SLC16A5: variants seen among roughly 807,000 people sequenced by gnomAD.
SLC16A5 encodes the protein solute carrier family 16 member 5.
SLC16A5 carries 29 observed loss-of-function variants against 33.2 expected under a neutral mutation model. The ratio of observed to expected loss-of-function variants is 0.87; its 90% CI spans 0.65 to 1.19. SLC16A5 has a LOEUF of 1.19. SLC16A5 is among the 50% of genes most tolerant of loss of function. SLC16A5 has a pLI of 0.00. For missense variants in SLC16A5, 606 were observed against 678.2 expected (o/e 0.89, Z 1.18); for synonymous variants, 248 against 284.1 (o/e 0.87, Z 1.28).
intron 5 of SLC16A5, 44 bp downstream of exon 5, chr17:75,100,860 G>A (rs779720822): frequency 1.3e-6 from 2 of 1,498,440 alleles, no homozygotes; most frequent in African/African-American, 1.4e-5. Context: ...GTGGTAAAAG[G>A]GGAACAGTTT....
chr17:75,106,590 TTTAAAAAAAAAA>T (rs2073866059), downstream of SLC16A5, among the ~76,000 whole-genome samples: 1 of 107,578 alleles, frequency 9.3e-6, no homozygotes. Flanking sequence ...CTGTCTTTTT[TTTAAAAAAAAAA>T]AAAAAAAAAA....
chr17:75,092,850 T>TGTGTGTGTGA (rs1555645061), intron 2 of SLC16A5, among the ~76,000 whole-genome samples: 62 of 150,590 alleles, frequency 4.1e-4, no homozygotes, highest in Admixed American at 2.1e-3. Flanking sequence ...TGTGTGTGTG[T>TGTGTGTGTGA]GTGTGTGTGT....
chr17:75,106,071 T>C lies in SLC16A5; in HGVS notation c.*38T>C. 9.0e-7 allele frequency: 1 copy of C among 1,115,396 alleles called. No individual in the cohort carries two copies. Among genetic ancestry groups the C allele is most frequent in the African/African-American group, 1.6e-5 (1 of 64,420 alleles). The allele number at this position is 1,115,396 out of a possible 1,614,324, so 69.1% of individuals were successfully genotyped here. A position where few individuals can be genotyped will look rare whatever the true frequency, so the allele number is the denominator to read the frequency against. On this transcript the variant is annotated 3_prime_UTR_variant, in exon 7 of 7. Transcript: ENST00000329783. Reference sequence around the variant, plus strand: ...ACTCCGCCACTATCTGCCATGTGAGTTGGGCAAATTGTTGACCACCTCTGA... The same window carrying C: ...ACTCCGCCACTATCTGCCATGTGAGCTGGGCAAATTGTTGACCACCTCTGA...
chr17:75,095,560 T>C (rs1248212049), intron 3 of SLC16A5, among the ~76,000 whole-genome samples: 1 of 152,116 alleles, frequency 6.6e-6, no homozygotes, highest in Non-Finnish European at 1.5e-5. Flanking sequence ...TGCAGTGGCA[T>C]GATCACAGCC....
rs776309484 is a variant in SLC16A5 at position 75,100,607 on chromosome 17, A to G, written c.944A>G (p.Asn315Ser). 4 of 1,614,014 alleles carry G rather than the reference A, an allele frequency of 2.5e-6. No homozygotes were observed. The highest frequency in any genetic ancestry group is 2.5e-6 in the Non-Finnish European group (3 of 1,180,022). Reference protein sequence around the residue: ...KYLFSLALLLNGLTNLVCAAS... With the variant: ...KYLFSLALLLSGLTNLVCAAS... Reference sequence around the variant, plus strand: ...CTGTTCAGCCTGGCACTCCTGCTCAATGGGCTCACTAACCTGGTGTGTGCG... The same window carrying G: ...CTGTTCAGCCTGGCACTCCTGCTCAGTGGGCTCACTAACCTGGTGTGTGCG... Residue 315 changes from asparagine (N) to serine (S), a missense_variant, in exon 5 of 7, where the codon AAT becomes AGT. Asn to Ser is a conservative substitution (Grantham distance 46). Coordinates refer to ENST00000329783, the MANE Select transcript of SLC16A5 (RefSeq NM_004695.4).
chr17:75,093,431 G>A lies in SLC16A5; in HGVS notation c.-48-158G>A, dbSNP rs575851466. ...TGAAAGGAGATGCCAAGGCCAACGC[G>A]TGGGCCTCTGGCCACCTCCCAGGGG... On this transcript the variant is annotated intron_variant, in intron 2 of 6. Transcript: ENST00000329783. 22 of 1,535,910 alleles carry A rather than the reference G, an allele frequency of 1.4e-5. No homozygotes were observed. In the African/African-American group the frequency reaches 2.1e-4, roughly 14 times the overall value.
intron 2 of SLC16A5, among the ~76,000 whole-genome samples, chr17:75,090,586 G>C (rs1028583987): frequency 6.6e-6 from 1 of 150,882 alleles, no homozygotes; most frequent in African/African-American, 2.4e-5. Flanking sequence ...TCAACCTCCC[G>C]AGTAGCTGCG....
intron 5 of SLC16A5, among the ~76,000 whole-genome samples, chr17:75,101,959 T>C (rs1301111086): frequency 6.6e-6 from 1 of 152,038 alleles, no homozygotes; most frequent in African/African-American, 2.4e-5. Flanking sequence ...ATCAGTAAAG[T>C]GGGGATAAAT....
intron 4 of SLC16A5, among the ~76,000 whole-genome samples, chr17:75,098,973 T>C (rs2073755341): frequency 6.6e-6 from 1 of 151,826 alleles, no homozygotes; most frequent in Non-Finnish European, 1.5e-5. Flanking sequence ...AGGCAAGGCA[T>C]GATTGAGGGA....
chr17:75,104,163 A>G lies in SLC16A5; in HGVS notation c.1347A>G (p.Gln449=). 5 of 1,614,114 alleles carry G rather than the reference A, an allele frequency of 3.1e-6. No individual in the cohort carries two copies. The highest frequency in any genetic ancestry group is 1.7e-5 in the Admixed American group (1 of 60,008). ...FLEAKDGPGK[Q]RSPEIMCQSS... ...AAGCCAAAGACGGTCCTGGGAAGCA[A>G]CGGTCCCCTGAGATCATGTATGTAA... The change falls in exon 6 of 7, where the codon CAA becomes CAG. Residue 449 remains glutamine (Q), a synonymous_variant. Coordinates refer to ENST00000329783, the MANE Select transcript of SLC16A5 (RefSeq NM_004695.4).
intron 5 of SLC16A5, among the ~76,000 whole-genome samples, chr17:75,101,117 T>C (rs2073793469): frequency 6.7e-6 from 1 of 149,990 alleles, no homozygotes; most frequent in Admixed American, 6.7e-5. Flanking sequence ...GGCGTTGTGA[T>C]GGGCGCCTGT....
At chr17:75,108,638 G>A (rs746101591), downstream of SLC16A5, among the ~76,000 whole-genome samples, 164 of 152,180 alleles carry the variant, frequency 1.1e-3, no homozygotes, top group Non-Finnish European at 1.8e-3. Context: ...GCATTGCAAT[G>A]GTAGTATCCA....
Position 75,100,004 on chromosome 17 carries a change from C to T in SLC16A5, c.344-3C>T. The T allele has an allele frequency of 6.2e-7, 1 of 1,606,168 alleles. No individual in the cohort carries two copies. Among genetic ancestry groups the T allele is most frequent in the East Asian group, 2.2e-5 (1 of 44,812 alleles). On this transcript the variant is annotated splice_region_variant and splice_polypyrimidine_tract_variant and intron_variant, in intron 4 of 6. Coordinates refer to ENST00000329783, the MANE Select transcript of SLC16A5 (RefSeq NM_004695.4). ...CAGGCTGGTTTCCCCTCTTGCCCCGCAGGCCTGGGCATGTGCTTCAGCTTC... is the reference window on the plus strand; with the variant it reads ...CAGGCTGGTTTCCCCTCTTGCCCCGTAGGCCTGGGCATGTGCTTCAGCTTC...
rs374290175 is a variant in SLC16A5 at position 75,099,658 on chromosome 17, C to T, written c.344-349C>T. Among the ~76,000 whole-genome samples, 88 of 152,284 alleles carry T rather than the reference C, an allele frequency of 5.8e-4. 1 individual carries two copies. In the East Asian group the frequency reaches 5.8e-3, roughly 10 times the overall value. ...AGATGGGGTTTCACCATGTTGGTCT[C>T]GAACTCCTGACCTCAAGTGATCCGC... On this transcript the variant is annotated intron_variant, in intron 4 of 6. Coordinates refer to ENST00000329783, the MANE Select transcript of SLC16A5 (RefSeq NM_004695.4).
chr17:75,092,030 T>G (rs966569935), intron 2 of SLC16A5, among the ~76,000 whole-genome samples: 89 of 148,552 alleles, frequency 6.0e-4, no homozygotes, highest in African/African-American at 1.9e-3. Flanking sequence ...GTGAGGGGGG[T>G]GTGTGTGTGT....
chr17:75,092,163 TTG>T (rs999387094), intron 2 of SLC16A5, among the ~76,000 whole-genome samples: 1 of 151,874 alleles, frequency 6.6e-6, no homozygotes, highest in African/African-American at 2.4e-5. Flanking sequence ...CTCTCTGTGT[TTG>T]TGTGTAACTG....
rs769418658 is a variant in SLC16A5, at chr17:75,104,116, CTGGAGCGGGATCTTTTCT to C, written c.1305_1322del (p.Arg436_Glu441del). The C allele has an allele frequency of 1.2e-6, 2 of 1,614,252 alleles. No individual in the cohort carries two copies. Among genetic ancestry groups the C allele is most frequent in the Admixed American group, 3.3e-5 (2 of 60,024 alleles). On this transcript the variant is annotated inframe_deletion, in exon 6 of 7. Transcript: ENST00000329783. ...CAAGCAGGCTGTCGCGGCGGATGCC[CTGGAGCGGGATCTTTTCT>C]TGGAAGCCAAAGACGGTCCTGGGAA...
In SLC16A5 at chr17:75,093,584, C is replaced by CTG. The variant is rs747156555; in HGVS notation, c.-48-5_-48-4insTG. On this transcript the variant is annotated splice_polypyrimidine_tract_variant and splice_region_variant and intron_variant, in intron 2 of 6. Coordinates refer to ENST00000329783, the MANE Select transcript of SLC16A5 (RefSeq NM_004695.4). ...CCACCAGGCTCCATTCTGTCCCCTC[C>CTG]CCAGGCAGCAGCCACATTGGCAGTG... The CTG allele has an allele frequency of 3.2e-6, 5 of 1,572,826 alleles. No homozygotes were observed. In the African/African-American group the frequency reaches 4.0e-5, roughly 13 times the overall value.
chr17:75,103,846 C>A, intron 5 of SLC16A5, 124 bp from the exon 6 acceptor site: 1 of 792,482 alleles, frequency 1.3e-6, no homozygotes, highest in Non-Finnish European at 2.1e-6. Context: ...TGAGTGTCTA[C>A]TGGGTGTCAG....
Sources: allele counts gnomAD v4.1 joint callset (sites outside exome capture counted in the v4.1 genomes callset), GRCh38; gene constraint gnomAD v4.1.1; transcripts MANE v1.5; gene names NCBI Gene and HGNC (gene_info 2026-07-23, HGNC 2026-07-21).